ARHGAP42: variants seen among roughly 807,000 people sequenced by gnomAD.
The protein encoded by ARHGAP42 is Rho GTPase activating protein 42.
A neutral mutation model predicts 125.0 loss-of-function variants in ARHGAP42; 63 were observed. The ratio of observed to expected loss-of-function variants is 0.50; its 90% CI spans 0.41 to 0.62. ARHGAP42 has a LOEUF of 0.62. Among genes scored for constraint, ARHGAP42 ranks in the 20% least tolerant of loss-of-function variants. The pLI is 0.00. For synonymous variants in ARHGAP42, 339 were observed against 351.0 expected, an observed-to-expected ratio of 0.97 and a Z score of 0.38; for missense variants, 766 against 1,024.2, an observed-to-expected ratio of 0.75 and a Z score of 3.44.
chr11:100,931,983 A>G (rs528665452), intron 6 of ARHGAP42, among the ~76,000 whole-genome samples: 1 of 152,202 alleles, frequency 6.6e-6, no homozygotes, highest in Non-Finnish European at 1.5e-5. Context: ...TTTTGGTATA[A>G]TATCAGGACT....
At chr11:100,936,063 C>T in intron 7 of ARHGAP42, 140 bp from the exon 8 acceptor site, 1 of 990,496 alleles carries the variant, frequency 1.0e-6, no homozygotes, top group African/African-American at 1.6e-5. Flanking sequence ...GTCAAGGCTG[C>T]AGTGAGCCAT....
intron 2 of ARHGAP42, among the ~76,000 whole-genome samples, chr11:100,775,362 A>G (rs1218280762): frequency 2.0e-5 from 3 of 149,948 alleles, no homozygotes; most frequent in Non-Finnish European, 4.5e-5. Context: ...CCTCTCATAT[A>G]TATTTATAGG....
At chr11:100,980,559 C>CTTCTTTTTTTGTTTTTTTTTT (rs1555037006) in intron 22 of ARHGAP42, among the ~76,000 whole-genome samples, 1 of 51,960 alleles carries the variant, frequency 1.9e-5, no homozygotes, top group Non-Finnish European at 3.8e-5. Context: ...TTTTCTTCTT[C>CTTCTTTTTTTGTTTTTTTTTT]TTTTTTTTTT....
intron 1 of ARHGAP42, among the ~76,000 whole-genome samples, chr11:100,701,208 A>G (rs985507764): frequency 1.3e-5 from 2 of 151,952 alleles, no homozygotes; most frequent in African/African-American, 4.8e-5. Context: ...TATTCAGTAA[A>G]CAGTGTACTG....
At chr11:100,849,321 A>G (rs1371565782) in intron 3 of ARHGAP42, among the ~76,000 whole-genome samples, 1 of 152,206 alleles carries the variant, frequency 6.6e-6, no homozygotes, top group African/African-American at 2.4e-5. Flanking sequence ...TACAGTGTGG[A>G]AAACTGGCCC....
At chr11:100,927,908 T>A (rs1423392748) in intron 6 of ARHGAP42, among the ~76,000 whole-genome samples, 2 of 152,232 alleles carry the variant, frequency 1.3e-5, no homozygotes, top group African/African-American at 4.8e-5. Flanking sequence ...CAGGCCAGCA[T>A]TGACTGGCCA....
chr11:100,810,663 CTT>C (rs1282036649), intron 3 of ARHGAP42, among the ~76,000 whole-genome samples: 1 of 152,178 alleles, frequency 6.6e-6, no homozygotes, highest in Non-Finnish European at 1.5e-5. Context: ...CCATCTGAGA[CTT>C]TTAATTCTAT....
chr11:100,880,995 C>T (rs1173686611), intron 4 of ARHGAP42, among the ~76,000 whole-genome samples: 1 of 151,738 alleles, frequency 6.6e-6, no homozygotes, highest in Non-Finnish European at 1.5e-5. Flanking sequence ...GGGCATTAGT[C>T]CTTTGTATAG....
At chr11:100,766,220 G>GTGT (rs1267120549) in intron 1 of ARHGAP42, among the ~76,000 whole-genome samples, 5 of 113,426 alleles carry the variant, frequency 4.4e-5, no homozygotes, top group Non-Finnish European at 8.1e-5. Context: ...GGAAGGATGT[G>GTGT]GGGTGTGTGT....
At chr11:100,941,396 A>G (rs775895307) in intron 8 of ARHGAP42, among the ~76,000 whole-genome samples, 7 of 152,194 alleles carry the variant, frequency 4.6e-5, no homozygotes, top group South Asian at 4.1e-4. Context: ...TTTTAACACT[A>G]TATTTCTGAC....
intron 1 of ARHGAP42, among the ~76,000 whole-genome samples, chr11:100,701,909 T>C (rs939038361): frequency 9.2e-5 from 14 of 152,166 alleles, no homozygotes; most frequent in Admixed American, 2.6e-4. Flanking sequence ...CATTCATAAT[T>C]TGACTGACAA....
intron 4 of ARHGAP42, among the ~76,000 whole-genome samples, chr11:100,877,352 C>T (rs1025462048): frequency 6.6e-6 from 1 of 152,090 alleles, no homozygotes; most frequent in South Asian, 2.1e-4. Flanking sequence ...TAATTTATGC[C>T]TTGAAATACA....
chr11:100,816,277 A>C (rs1864263785), intron 3 of ARHGAP42, among the ~76,000 whole-genome samples: 1 of 152,140 alleles, frequency 6.6e-6, no homozygotes, highest in Non-Finnish European at 1.5e-5. Context: ...AACAGAGCAC[A>C]AGTATTCCAG....
At chr11:100,859,728 A>G (rs914249491) in intron 4 of ARHGAP42, 103 bp downstream of exon 4, 2 of 907,814 alleles carry the variant, frequency 2.2e-6, no homozygotes, top group South Asian at 4.4e-5. Flanking sequence ...CTTTTAAAAG[A>G]TTTTGTACAT....
chr11:100,918,275 T>A (rs1483973533), intron 5 of ARHGAP42, among the ~76,000 whole-genome samples: 1 of 152,224 alleles, frequency 6.6e-6, no homozygotes, highest in African/African-American at 2.4e-5. Context: ...TTTTATCTGT[T>A]CCTCATTCTT....
At chr11:100,725,651 A>C (rs1435469278) in intron 1 of ARHGAP42, among the ~76,000 whole-genome samples, 1 of 104 alleles carries the variant, frequency 9.6e-3, no homozygotes, top group East Asian at 0.25. Flanking sequence ...AAAAAAAGCC[A>C]GGTGGCCCGG....
intron 12 of ARHGAP42, among the ~76,000 whole-genome samples, chr11:100,953,083 T>C (rs10895033): frequency 0.25 from 37,750 of 152,052 alleles, 5,207 homozygotes; most frequent in Middle Eastern, 0.37. Context: ...ATCTTTCTTT[T>C]TGTCAGGCGC....
chr11:100,992,733 A>AT lies in ARHGAP42; in HGVS notation c.*3938dup, dbSNP rs765077388. The stretch of plus-strand genomic sequence containing the variant: ...TTAGAGGATCAAATCAATAAATTGG[A>AT]TTTTTTATTTTTTGAGGGCAGCTGC... On this transcript the variant is annotated 3_prime_UTR_variant, in exon 24 of 24. Coordinates refer to ENST00000298815, the MANE Select transcript of ARHGAP42 (RefSeq NM_152432.4). 2.3e-5 allele frequency: 35 copies of AT among 1,525,862 alleles called. No individual in the cohort carries two copies. The South Asian group carries it at 2.9e-4, about 13-fold the overall frequency. 94.5% of individuals were successfully genotyped at this position (1,525,862 alleles called of 1,614,324 possible).
rs899155852 is a variant in ARHGAP42 at position 100,796,274 on chromosome 11, C to T, written c.312+1108C>T. ...TAGGACTTTTTTGGGACTCCACAGA[C>T]CCTACCCAAATAAGACTGTGAACAT... is the stretch of plus-strand genomic sequence containing the variant. On this transcript the variant is annotated intron_variant, in intron 3 of 23. Coordinates refer to ENST00000298815, the MANE Select transcript of ARHGAP42 (RefSeq NM_152432.4). Among the ~76,000 whole-genome samples the T allele has an allele frequency of 3.3e-5, 5 of 152,140 alleles. 1 individual carries two copies. The highest frequency in any genetic ancestry group is 7.3e-5 in the Non-Finnish European group (5 of 68,028).
Sources: gnomAD v4.1 joint callset for allele counts (sites outside exome capture counted in the v4.1 genomes callset) on GRCh38, gnomAD v4.1.1 for gene constraint, MANE v1.5 for transcripts, NCBI Gene and HGNC (gene_info 2026-07-23, HGNC 2026-07-21) for gene names.